Variants in TMEM132B observed in about 807,000 individuals in gnomAD.
TMEM132B encodes the protein transmembrane protein 132B.
Under a neutral mutation model 90.8 loss-of-function variants are expected in TMEM132B, and 18 were observed. That is an observed-to-expected ratio of 0.20 (90% confidence interval 0.14 to 0.29). TMEM132B has a LOEUF of 0.29. Among genes scored for constraint, TMEM132B ranks in the 10% least tolerant of loss-of-function variants. The pLI is 1.00. For synonymous variants in TMEM132B, 504 were observed against 523.3 expected (o/e 0.96, Z 0.50); for missense variants, 1,096 against 1,326.8 (o/e 0.83, Z 2.70).
At chr12:125,435,181 T>TG (rs1880664826) in intron 3 of TMEM132B, among the ~76,000 whole-genome samples, 1 of 152,174 alleles carries the variant, frequency 6.6e-6, no homozygotes, top group Non-Finnish European at 1.5e-5. Context: ...CTGAAATGTG[T>TG]GACCGTGAAA....
intron 1 of TMEM132B, among the ~76,000 whole-genome samples, chr12:125,275,155 T>C (rs1874955628): frequency 6.6e-6 from 1 of 152,200 alleles, no homozygotes; most frequent in Non-Finnish European, 1.5e-5. Context: ...GGCTGGACTT[T>C]TCTCTCCTTC....
intron 1 of TMEM132B, among the ~76,000 whole-genome samples, chr12:125,332,796 A>AT (rs1240448043): frequency 6.6e-6 from 1 of 151,970 alleles, no homozygotes; most frequent in Non-Finnish European, 1.5e-5. Context: ...ACTGGACAAT[A>AT]TTAGTTTTTC....
At chr12:125,304,126 G>T (rs563728034) in intron 1 of TMEM132B, among the ~76,000 whole-genome samples, 2 of 152,186 alleles carry the variant, frequency 1.3e-5, no homozygotes, top group South Asian at 4.2e-4. Context: ...CCTCGCATGC[G>T]CAGTTCACAA....
intron 4 of TMEM132B, among the ~76,000 whole-genome samples, chr12:125,581,100 A>G (rs1043633185): frequency 7.2e-5 from 11 of 152,226 alleles, no homozygotes; most frequent in Admixed American, 1.3e-4. Context: ...AGTTATGTGT[A>G]ATAGAATCAT....
chr12:125,462,850 T>C (rs1016436814), intron 3 of TMEM132B, among the ~76,000 whole-genome samples: 3 of 152,222 alleles, frequency 2.0e-5, no homozygotes, highest in African/African-American at 4.8e-5. Flanking sequence ...CTCTATACAA[T>C]TATGTTGGCA....
intron 1 of TMEM132B, among the ~76,000 whole-genome samples, chr12:125,329,484 G>T (rs1876698753): frequency 6.6e-6 from 1 of 152,186 alleles, no homozygotes; most frequent in African/African-American, 2.4e-5. Context: ...TGACTTTCTA[G>T]CCCAAGCCTC....
chr12:125,530,791 C>T (rs1042583785), intron 4 of TMEM132B, among the ~76,000 whole-genome samples: 3 of 152,230 alleles, frequency 2.0e-5, no homozygotes, highest in Non-Finnish European at 2.9e-5. Context: ...CCAGTCCTTG[C>T]ATTGAGGGCT....
At chr12:125,547,018 G>T (rs4394885) in intron 4 of TMEM132B, among the ~76,000 whole-genome samples, 1 of 152,176 alleles carries the variant, frequency 6.6e-6, no homozygotes, top group Non-Finnish European at 1.5e-5. Flanking sequence ...GAAACCATCA[G>T]ATCTCGTGAG....
chr12:125,223,676 C>T (rs1050851321), intron 1 of TMEM132B, among the ~76,000 whole-genome samples: 1 of 152,234 alleles, frequency 6.6e-6, no homozygotes, highest in East Asian at 1.9e-4. Context: ...CTACCCCCAG[C>T]CCTCGCCAGC....
rs1887050164 is a variant in TMEM132B, at chr12:125,655,961, A to C, written c.*1251A>C. On this transcript the variant is annotated 3_prime_UTR_variant, in exon 9 of 9. Transcript: ENST00000682704. ...GGAGAGAAGCAGTGGGTTTCCCCCCAAAATCCATACAAATAAATGACTATT... is the reference window on the plus strand; with the variant it reads ...GGAGAGAAGCAGTGGGTTTCCCCCCCAAATCCATACAAATAAATGACTATT... 6.6e-6 allele frequency: 1 copy of C among 152,190 alleles called. No homozygotes were observed. The highest frequency in any genetic ancestry group is 1.5e-5 in the Non-Finnish European group (1 of 68,036). The allele number at this position is 152,190 out of a possible 1,614,324, so 9.4% of individuals were successfully genotyped here. A position where few individuals can be genotyped will look rare whatever the true frequency, so the allele number is the denominator to read the frequency against.
intron 5 of TMEM132B, among the ~76,000 whole-genome samples, chr12:125,597,753 C>G (rs1290917726): frequency 6.6e-6 from 1 of 152,142 alleles, no homozygotes; most frequent in Non-Finnish European, 1.5e-5. Flanking sequence ...CCTCCAGTGT[C>G]CTTTGCACTG....
intron 1 of TMEM132B, among the ~76,000 whole-genome samples, chr12:125,344,033 C>T (rs1439060822): frequency 2.0e-5 from 3 of 152,208 alleles, no homozygotes; most frequent in Non-Finnish European, 4.4e-5. Flanking sequence ...TATTTAATTT[C>T]TCCTGCTAGG....
In TMEM132B at chr12:125,408,053, C is replaced by T. The variant is rs932204185; in HGVS notation, c.960-7478C>T. 1.3e-5 allele frequency among the ~76,000 whole-genome samples: 2 copies of T among 152,198 alleles called. No individual in the cohort carries two copies. Among genetic ancestry groups the T allele is most frequent in the African/African-American group, 2.4e-5 (1 of 41,446 alleles). ...CTCAGTGACTGCCTCTACCACAGGG[C>T]GGCCACTGTGCAGGCTTTCACCTCG... is the stretch of plus-strand genomic sequence containing the variant. On this transcript the variant is annotated intron_variant, in intron 2 of 8. Coordinates refer to ENST00000682704, the MANE Select transcript of TMEM132B (RefSeq NM_001366854.1). The surrounding 1 kb of genome is among the most constrained non-coding windows in gnomAD (Gnocchi z 5.9).
chr12:125,432,511 G>GTGTGTGTGTATATA (rs1555248848), intron 3 of TMEM132B, among the ~76,000 whole-genome samples: 3 of 18,556 alleles, frequency 1.6e-4, no homozygotes, highest in African/African-American at 3.2e-4. Flanking sequence ...ATGTGTGTGT[G>GTGTGTGTGTATATA]TATATATATA....
chr12:125,286,085 A>G (rs914288516), intron 1 of TMEM132B, among the ~76,000 whole-genome samples: 4 of 152,244 alleles, frequency 2.6e-5, no homozygotes, highest in Non-Finnish European at 5.9e-5. Context: ...CCCTAGCGCC[A>G]GGTACTTTAC....
chr12:125,195,288 T>C (rs1023181705), intron 1 of TMEM132B, among the ~76,000 whole-genome samples: 1 of 151,908 alleles, frequency 6.6e-6, no homozygotes, highest in South Asian at 2.1e-4. Context: ...AGACGGATAC[T>C]GAACACAATA....
At chr12:125,537,566 C>T (rs1050899211) in intron 4 of TMEM132B, among the ~76,000 whole-genome samples, 1 of 152,122 alleles carries the variant, frequency 6.6e-6, no homozygotes, top group East Asian at 1.9e-4. Flanking sequence ...GGAAGGAGGA[C>T]GTGTGTTCGA....
chr12:125,187,086 C>T (rs1474519375), intron 1 of TMEM132B, among the ~76,000 whole-genome samples: 1 of 152,158 alleles, frequency 6.6e-6, no homozygotes, highest in Non-Finnish European at 1.5e-5. Context: ...AGCTTCCTTG[C>T]GGATCCTTTC....
At chr12:125,323,359 C>G (rs1453886928) in intron 1 of TMEM132B, among the ~76,000 whole-genome samples, 1 of 152,084 alleles carries the variant, frequency 6.6e-6, no homozygotes, top group East Asian at 1.9e-4. Flanking sequence ...TTGCTTGAAC[C>G]CGGGAGGCGG....
Sources: gnomAD v4.1 joint callset for allele counts (sites outside exome capture counted in the v4.1 genomes callset) on GRCh38, gnomAD v4.1.1 for gene constraint, Gnocchi (gnomAD v3.1) non-coding constraint, MANE v1.5 for transcripts, NCBI Gene and HGNC (gene_info 2026-07-23, HGNC 2026-07-21) for gene names.